FAM167A: variants seen among roughly 807,000 people sequenced by gnomAD.
FAM167A encodes the protein protein FAM167A.
In FAM167A, 23 loss-of-function variants were observed where a neutral mutation model predicts 14.9. That is an observed-to-expected ratio of 1.55 (90% CI 1.11 to 2.19). FAM167A has a LOEUF of 2.19. FAM167A is among the 30% of genes most tolerant of loss of function. The pLI is 0.00. For missense variants in FAM167A, 401 were observed against 281.5 expected, an observed-to-expected ratio of 1.42 and a Z score of -3.04; for synonymous variants, 174 against 117.7, an observed-to-expected ratio of 1.48 and a Z score of -3.10.
intron 2 of FAM167A, among the ~76,000 whole-genome samples, chr8:11,435,388 AGAG>A (rs1320138404): frequency 6.6e-6 from 1 of 152,236 alleles, no homozygotes; most frequent in Non-Finnish European, 1.5e-5. Flanking sequence ...ACAAAACACC[AGAG>A]GAGAGACAGA....
intron 1 of FAM167A, among the ~76,000 whole-genome samples, chr8:11,449,118 C>T (rs904363105): frequency 6.6e-6 from 1 of 152,234 alleles, no homozygotes; most frequent in African/African-American, 2.4e-5. Flanking sequence ...GCCCCCAGCA[C>T]AGTCAGACCG....
At chr8:11,474,990 C>T (rs1180612735) in intron 1 of FAM167A, among the ~76,000 whole-genome samples, 2 of 152,110 alleles carry the variant, frequency 1.3e-5, no homozygotes, top group Non-Finnish European at 1.5e-5. Context: ...TGCCCAGCAG[C>T]CAAGTGTCCT....
chr8:11,448,056 T>A (rs1359952244), intron 1 of FAM167A, among the ~76,000 whole-genome samples: 1 of 152,034 alleles, frequency 6.6e-6, no homozygotes, highest in African/African-American at 2.4e-5. Flanking sequence ...TAGCTGGGCG[T>A]AGTGGCGCAC....
chr8:11,461,225 G>A (rs536392547), intron 1 of FAM167A, among the ~76,000 whole-genome samples: 52 of 152,354 alleles, frequency 3.4e-4, no homozygotes, highest in African/African-American at 1.1e-3. Context: ...GCGGGGCTCT[G>A]GGAAAGGGCG....
intron 1 of FAM167A, among the ~76,000 whole-genome samples, chr8:11,461,683 C>T (rs1807546005): frequency 6.6e-6 from 1 of 152,228 alleles, no homozygotes; most frequent in Admixed American, 6.5e-5. Flanking sequence ...GCCTCAGCCT[C>T]CAAACAAGGC....
At chr8:11,459,467 T>C (rs1295602538) in intron 1 of FAM167A, among the ~76,000 whole-genome samples, 1 of 152,230 alleles carries the variant, frequency 6.6e-6, no homozygotes, top group African/African-American at 2.4e-5. Context: ...TTTGTTTTTC[T>C]GTAAAATTGT....
chr8:11,451,842 C>A (rs1445355666), intron 1 of FAM167A, among the ~76,000 whole-genome samples: 1 of 152,216 alleles, frequency 6.6e-6, no homozygotes. Flanking sequence ...GGATCTCCTG[C>A]CTCTGCCTTC....
chr8:11,426,305 C>G (rs986416464), intron 2 of FAM167A, among the ~76,000 whole-genome samples: 2 of 152,204 alleles, frequency 1.3e-5, no homozygotes, highest in African/African-American at 2.4e-5. Context: ...ACTCCTGTCT[C>G]TCTGAAATGT....
At chr8:11,462,621 C>G (rs1807585159) in intron 1 of FAM167A, among the ~76,000 whole-genome samples, 1 of 152,196 alleles carries the variant, frequency 6.6e-6, no homozygotes, top group Non-Finnish European at 1.5e-5. Context: ...GAGGGCACGG[C>G]CTTCACCTTC....
rs56193845 is a variant in FAM167A at position 11,423,839 on chromosome 8, T to G, written c.*534A>C. ...CCCCAAGTGCCCATTTGTCATGCCT[T>G]TCGATTTTCCCTTCCTAGTAGCTCC... is the stretch of plus-strand genomic sequence containing the variant. On this transcript the variant is annotated 3_prime_UTR_variant, in exon 3 of 3. Coordinates refer to ENST00000284486, the MANE Select transcript of FAM167A (RefSeq NM_053279.3). 6,954 of 157,588 alleles carry G rather than the reference T, an allele frequency of 0.044. 224 individuals carry two copies. Among genetic ancestry groups the G allele is most frequent in the Middle Eastern group, 0.074 (22 of 298 alleles). 9.8% of individuals were successfully genotyped at this position (157,588 alleles called of 1,614,324 possible). A position where few individuals can be genotyped will look rare whatever the true frequency, so the allele number is the denominator to read the frequency against.
intron 2 of FAM167A, among the ~76,000 whole-genome samples, chr8:11,430,088 A>T (rs982175449): frequency 6.6e-6 from 1 of 152,184 alleles, no homozygotes; most frequent in Admixed American, 6.5e-5. Flanking sequence ...TGTGGGTTTC[A>T]TGCTGTCTCT....
chr8:11,443,777 G>T (rs1806590633), intron 2 of FAM167A: 1 of 490,556 alleles, frequency 2.0e-6, no homozygotes, highest in Non-Finnish European at 3.6e-6. Context: ...ATGGGTTCAG[G>T]TTCTGCCAGA....
At chr8:11,454,557 C>A (rs1193411595) in intron 1 of FAM167A, among the ~76,000 whole-genome samples, 1 of 152,198 alleles carries the variant, frequency 6.6e-6, no homozygotes, top group Non-Finnish European at 1.5e-5. Flanking sequence ...GCCCCACAGC[C>A]AAGGGAGTGC....
intron 2 of FAM167A, among the ~76,000 whole-genome samples, chr8:11,440,235 C>T (rs941254625): frequency 3.3e-5 from 5 of 152,232 alleles, no homozygotes; most frequent in Admixed American, 1.3e-4. Context: ...GAGAGCCACA[C>T]ATCTCCAGCT....
At chr8:11,460,520 G>C (rs1807497223) in intron 1 of FAM167A, among the ~76,000 whole-genome samples, 1 of 152,246 alleles carries the variant, frequency 6.6e-6, no homozygotes, top group Non-Finnish European at 1.5e-5. Context: ...CCTGGGGACT[G>C]TCTCCCAGCA....
chr8:11,448,148 C>G lies in FAM167A; in HGVS notation c.-397-3340G>C, dbSNP rs903360045. On this transcript the variant is annotated intron_variant, in intron 1 of 2. Coordinates refer to ENST00000284486, the MANE Select transcript of FAM167A (RefSeq NM_053279.3). ...GGCAGAGGTTGCAGTGAGCCAAGAT[C>G]GCACTACTGCATTCCAGCCTGGGCG... 2.0e-5 allele frequency among the ~76,000 whole-genome samples: 3 copies of G among 150,516 alleles called. No homozygotes were observed. The Admixed American group carries it at 2.0e-4, about 10-fold the overall frequency.
In FAM167A at chr8:11,422,367, T is replaced by TGG. The variant is rs1402961692; in HGVS notation, c.*2005_*2006insCC. On this transcript the variant is annotated 3_prime_UTR_variant, in exon 3 of 3. Transcript: ENST00000284486. ...GCATGTTCTCTGTCGTGTGTGTGTG[T>TGG]GTGGGGGTGTGTGTGTGTGTGTGTG... The TGG allele has an allele frequency of 2.1e-4, 23 of 109,000 alleles. No homozygotes were observed. Among genetic ancestry groups the TGG allele is most frequent in the South Asian group, 2.0e-3 (7 of 3,478 alleles). The allele number at this position is 109,000 out of a possible 1,614,324, so 6.8% of individuals were successfully genotyped here.
At chr8:11,472,103 G>A (rs777091287), upstream of FAM167A, among the ~76,000 whole-genome samples, 3 of 152,168 alleles carry the variant, frequency 2.0e-5, no homozygotes, top group Non-Finnish European at 4.4e-5. Context: ...TTAGAGACAC[G>A]GCATGTGGGC....
At chr8:11,428,463 T>G (rs1296542271) in intron 2 of FAM167A, among the ~76,000 whole-genome samples, 2 of 151,838 alleles carry the variant, frequency 1.3e-5, no homozygotes, top group Non-Finnish European at 2.9e-5. Context: ...TGCGTAAGGG[T>G]GAAAAGAGAA....
Sources: allele counts gnomAD v4.1 joint callset (sites outside exome capture counted in the v4.1 genomes callset), GRCh38; gene constraint gnomAD v4.1.1; transcripts MANE v1.5; gene names NCBI Gene and HGNC (gene_info 2026-07-23, HGNC 2026-07-21).